AMOTL1: variants seen among roughly 807,000 people sequenced by gnomAD.
AMOTL1 encodes angiomotin-like protein 1.
In AMOTL1, 45 loss-of-function variants were observed where a neutral mutation model predicts 102.9. That is an observed-to-expected ratio of 0.44 (90% CI 0.34 to 0.56). AMOTL1 has a LOEUF of 0.56. Ranked by LOEUF, AMOTL1 falls within the 20% of genes least tolerant of loss-of-function variation. The pLI, the probability that AMOTL1 is intolerant of heterozygous loss-of-function variation, is 0.01. For synonymous variants in AMOTL1, 481 were observed against 484.7 expected (o/e 0.99, Z 0.10); for missense variants, 1,114 against 1,225.6 (o/e 0.91, Z 1.36).
At chr11:94,709,495 A>G (rs1206730134) in intron 1 of AMOTL1, among the ~76,000 whole-genome samples, 5 of 152,214 alleles carry the variant, frequency 3.3e-5, no homozygotes, top group Non-Finnish European at 7.3e-5. Flanking sequence ...TTATAAGCCA[A>G]TACAAGCTGG....
rs780542179 is a variant in AMOTL1 at position 94,821,841 on chromosome 11, A to C, written c.1413+20A>C. Reference sequence around the variant, plus strand: ...CACAAGGTGCGTGACTTCCCTGGGGAATGGGAGGGAGACAAATTCTTTACC... The same window carrying C: ...CACAAGGTGCGTGACTTCCCTGGGGCATGGGAGGGAGACAAATTCTTTACC... On this transcript the variant is annotated intron_variant, in intron 4 of 12. Coordinates refer to ENST00000433060, the MANE Select transcript of AMOTL1 (RefSeq NM_130847.3). 12 of 1,607,810 alleles carry C rather than the reference A, an allele frequency of 7.5e-6. No individual in the cohort carries two copies. Among genetic ancestry groups the C allele is most frequent in the Admixed American group, 3.3e-5 (2 of 59,786 alleles).
rs374850956 is a variant in AMOTL1, at chr11:94,799,492, G to A, written c.302G>A (p.Arg101Gln). 157 of 1,612,346 alleles carry A rather than the reference G, an allele frequency of 9.7e-5. No homozygotes were observed. The highest frequency in any genetic ancestry group is 1.2e-4 in the Non-Finnish European group (141 of 1,179,304). ...GCGGCAGCTGGAACAGTATTGCAGC[G>A]GCTGATCCAGGAACAACTGCGGTAT... ...EDAAAGTVLQ[R>Q]LIQEQLRYGT... Residue 101 changes from arginine (R) to glutamine (Q), a missense_variant, in exon 3 of 13, where the codon CGG becomes CAG. Physicochemically the swap from Arg to Gln is conservative, Grantham distance 43. Transcript: ENST00000433060. The surrounding 1 kb of genome is among the most constrained non-coding windows in gnomAD (Gnocchi z 4.5).
chr11:94,752,635 G>A (rs1266494770), intron 3 of AMOTL1, among the ~76,000 whole-genome samples: 1 of 152,198 alleles, frequency 6.6e-6, no homozygotes, highest in Non-Finnish European at 1.5e-5. Flanking sequence ...CAAGATTACT[G>A]ATCACCTGAT....
In AMOTL1 at chr11:94,831,554, T is replaced by C; in HGVS notation, c.1648+13T>C. The C allele has an allele frequency of 6.2e-7, 1 of 1,604,070 alleles. No individual in the cohort carries two copies. The highest frequency in any genetic ancestry group is 1.1e-5 in the South Asian group (1 of 89,326). ...TATGCTTCCCAGAGTGAGTCTCCAC[T>C]TATTTATTATCCCAAAGTTTGTTTG... On this transcript the variant is annotated intron_variant, in intron 6 of 12. Transcript: ENST00000433060.
intron 1 of AMOTL1, among the ~76,000 whole-genome samples, chr11:94,719,205 C>G (rs532748246): frequency 1.3e-5 from 2 of 152,030 alleles, no homozygotes; most frequent in Non-Finnish European, 2.9e-5. Flanking sequence ...ACTTCCTATT[C>G]TGTGCTACCA....
chr11:94,837,461 A>G (rs574044138), intron 6 of AMOTL1, among the ~76,000 whole-genome samples: 129 of 152,316 alleles, frequency 8.5e-4, no homozygotes, highest in African/African-American at 3.0e-3. Context: ...AGAGTGGGCC[A>G]TGTTCCCAAA....
At chr11:94,792,299 A>G (rs2135554674) in intron 1 of AMOTL1, among the ~76,000 whole-genome samples, 1 of 152,302 alleles carries the variant, frequency 6.6e-6, no homozygotes, top group East Asian at 1.9e-4. Flanking sequence ...GATGGGGAAC[A>G]TCACACACCG....
intron 3 of AMOTL1, among the ~76,000 whole-genome samples, chr11:94,741,801 C>G (rs1030105561): frequency 6.6e-6 from 1 of 152,068 alleles, no homozygotes; most frequent in Non-Finnish European, 1.5e-5. Context: ...TCTTTCATCA[C>G]TAGCCTGAAT....
At chr11:94,793,125 G>T (rs1411648663) in intron 1 of AMOTL1, among the ~76,000 whole-genome samples, 1 of 151,966 alleles carries the variant, frequency 6.6e-6, no homozygotes, top group Non-Finnish European at 1.5e-5. Flanking sequence ...TTATCAGTTT[G>T]CTCTGTTTTC....
chr11:94,843,279 G>C (rs1287824235), intron 6 of AMOTL1, among the ~76,000 whole-genome samples: 1 of 152,198 alleles, frequency 6.6e-6, no homozygotes, highest in East Asian at 1.9e-4. Flanking sequence ...CATGTGAATA[G>C]ATCACTCGTA....
rs557358122 is a variant in AMOTL1, at chr11:94,860,467, C to G, written c.2135+752C>G. ...AACTAGCTCAAAGTGTGCAGTAATT[C>G]ACAAAAAAAGCTCCCAAATGTTCTG... On this transcript the variant is annotated intron_variant, in intron 9 of 12. Transcript: ENST00000433060. 1.5e-3 allele frequency among the ~76,000 whole-genome samples: 233 copies of G among 152,210 alleles called. 2 individuals are homozygous for G. The highest frequency in any genetic ancestry group is 5.4e-3 in the African/African-American group (226 of 41,514).
At chr11:94,743,348 G>A (rs1194077964) in intron 3 of AMOTL1, among the ~76,000 whole-genome samples, 1 of 152,204 alleles carries the variant, frequency 6.6e-6, no homozygotes, top group African/African-American at 2.4e-5. Context: ...TGCTGTTTGG[G>A]TACTTGGTGT....
chr11:94,772,665 A>G (rs879495642), intron 1 of AMOTL1, among the ~76,000 whole-genome samples: 6 of 152,154 alleles, frequency 3.9e-5, no homozygotes, highest in Admixed American at 6.5e-5. Flanking sequence ...TAAAGTTTTT[A>G]TGAACATTTA....
At chr11:94,820,985 C>G (rs1449783624) in intron 3 of AMOTL1, among the ~76,000 whole-genome samples, 1 of 152,170 alleles carries the variant, frequency 6.6e-6, no homozygotes, top group Non-Finnish European at 1.5e-5. Context: ...CCTAATAGGC[C>G]ACAGATGTGT....
intron 6 of AMOTL1, among the ~76,000 whole-genome samples, chr11:94,838,127 C>T (rs1015675330): frequency 3.3e-5 from 5 of 152,224 alleles, no homozygotes; most frequent in Admixed American, 3.3e-4. Context: ...TGTAAACACT[C>T]ATCACAACTG....
chr11:94,853,997 A>C lies in AMOTL1; in HGVS notation c.1859A>C (p.Gln620Pro), dbSNP rs1414119322. Residue 620 changes from glutamine (Q) to proline (P), a missense_variant, in exon 8 of 13, where the codon CAG becomes CCG. Coordinates refer to ENST00000433060, the MANE Select transcript of AMOTL1 (RefSeq NM_130847.3). ...EKLQQALTQL[Q>P]SACEKREQME... ...CTGCAGCAGGCCCTGACCCAGCTGCAGTCTGCATGTGAGAAGCGAGAACAG... is the reference window on the plus strand; with the variant it reads ...CTGCAGCAGGCCCTGACCCAGCTGCCGTCTGCATGTGAGAAGCGAGAACAG... 3 of 1,597,430 alleles carry C rather than the reference A, an allele frequency of 1.9e-6. No individual in the cohort carries two copies. Among genetic ancestry groups the C allele is most frequent in the Non-Finnish European group, 2.6e-6 (3 of 1,171,366 alleles).
At position 94,872,791 on chromosome 11, in the gene AMOTL1, G is replaced by A. The variant is rs368746673; in HGVS notation, c.*1996G>A. On this transcript the variant is annotated 3_prime_UTR_variant, in exon 13 of 13. Coordinates refer to ENST00000433060, the MANE Select transcript of AMOTL1 (RefSeq NM_130847.3). The stretch of plus-strand genomic sequence containing the variant: ...GCATGGAGCTCACCCCATGCCATAG[G>A]GTGTGGGAAGAGGGCACAGGAGGCC... The A allele has an allele frequency of 1.3e-5, 2 of 152,260 alleles. No homozygotes were observed. 9.4% of individuals were successfully genotyped at this position (152,260 alleles called of 1,614,324 possible).
In AMOTL1 at chr11:94,788,024, C is replaced by T. The variant is rs1190451592; in HGVS notation, c.50-6987C>T. 3.3e-5 allele frequency among the ~76,000 whole-genome samples: 5 copies of T among 152,274 alleles called. No individual in the cohort carries two copies. The South Asian group carries it at 1.0e-3, about 32-fold the overall frequency. On this transcript the variant is annotated intron_variant, in intron 1 of 12. Coordinates refer to ENST00000433060, the MANE Select transcript of AMOTL1 (RefSeq NM_130847.3). ...CCTGGACTCCAGGGGATAGTGCTAT[C>T]GCAGGTAGTTTATCAACACCTTTTT... is the stretch of plus-strand genomic sequence containing the variant.
At chr11:94,839,830 A>G (rs991442764) in intron 6 of AMOTL1, among the ~76,000 whole-genome samples, 2 of 152,216 alleles carry the variant, frequency 1.3e-5, no homozygotes, top group African/African-American at 4.8e-5. Flanking sequence ...CAAAGTTTTT[A>G]TACTAGAAAA....
Sources: allele counts gnomAD v4.1 joint callset (sites outside exome capture counted in the v4.1 genomes callset), GRCh38; gene constraint gnomAD v4.1.1; non-coding constraint Gnocchi (gnomAD v3.1); transcripts MANE v1.5; gene names NCBI Gene and HGNC (gene_info 2026-07-23, HGNC 2026-07-21).